Variants in SYT14 observed in about 807,000 individuals in gnomAD.
SYT14 encodes synaptotagmin-14.
In SYT14, 32 loss-of-function variants were observed where a neutral mutation model predicts 74.2. That is an observed-to-expected ratio of 0.43 (90% confidence interval 0.33 to 0.58). The LOEUF is 0.58. SYT14 is among the 20% of genes least tolerant of loss of function. The pLI is 0.05. For missense variants in SYT14, 791 were observed against 981.8 expected (o/e 0.81, Z 2.60); for synonymous variants, 298 against 337.7 (o/e 0.88, Z 1.29).
At chr1:210,087,672 AC>A (rs2081763880) in intron 5 of SYT14, among the ~76,000 whole-genome samples, 1 of 150,510 alleles carries the variant, frequency 6.6e-6, no homozygotes, top group Non-Finnish European at 1.5e-5. Context: ...TGAATTGAAA[AC>A]CCTTCTCACC....
chr1:210,042,940 G>T (rs192780540), intron 5 of SYT14, among the ~76,000 whole-genome samples: 57 of 152,230 alleles, frequency 3.7e-4, no homozygotes, highest in Non-Finnish European at 7.8e-4. Context: ...CAATTACTTT[G>T]GGCAATATGG....
chr1:209,999,233 T>C (rs2079850186), intron 2 of SYT14, among the ~76,000 whole-genome samples: 1 of 152,076 alleles, frequency 6.6e-6, no homozygotes, highest in South Asian at 2.1e-4. Flanking sequence ...AAATGGCTAT[T>C]ATCAAAAAGA....
chr1:210,103,714 G>T (rs1029476837), intron 7 of SYT14, among the ~76,000 whole-genome samples: 1 of 152,070 alleles, frequency 6.6e-6, no homozygotes, highest in African/African-American at 2.4e-5. Context: ...TGGGCATCAG[G>T]TTTCTCATTA....
At chr1:210,065,767 G>A (rs1190293491) in intron 5 of SYT14, among the ~76,000 whole-genome samples, 1 of 151,712 alleles carries the variant, frequency 6.6e-6, no homozygotes, top group African/African-American at 2.4e-5. Flanking sequence ...GGGTACATGT[G>A]CACAACGTGC....
chr1:210,004,282 T>C (rs1409208203), intron 2 of SYT14, among the ~76,000 whole-genome samples: 14 of 152,044 alleles, frequency 9.2e-5, no homozygotes, highest in Admixed American at 9.2e-4. Context: ...CTTTCTTTCT[T>C]TCAGAGAATT....
At chr1:210,043,047 TCTC>T (rs2080823351) in intron 5 of SYT14, among the ~76,000 whole-genome samples, 2 of 152,300 alleles carry the variant, frequency 1.3e-5, no homozygotes, top group South Asian at 4.1e-4. Context: ...GGTTTGTAGT[TCTC>T]CTTGAAGAGG....
At chr1:210,112,186 G>C (rs1328336973) in intron 7 of SYT14, among the ~76,000 whole-genome samples, 1 of 151,282 alleles carries the variant, frequency 6.6e-6, no homozygotes, top group African/African-American at 2.5e-5. Flanking sequence ...AGACCAAGTG[G>C]TATTTTAGTT....
intron 7 of SYT14, among the ~76,000 whole-genome samples, chr1:210,143,887 C>T (rs2102679615): frequency 6.6e-6 from 1 of 152,134 alleles, no homozygotes; most frequent in South Asian, 2.1e-4. Flanking sequence ...TCTGTTAATA[C>T]TGAAAATGAT....
chr1:210,126,398 TAAG>T (rs1352467236), intron 7 of SYT14, among the ~76,000 whole-genome samples: 8 of 152,244 alleles, frequency 5.3e-5, no homozygotes, highest in East Asian at 1.9e-4. Context: ...GTCACATGCT[TAAG>T]AAGAGGCAGA....
intron 2 of SYT14, among the ~76,000 whole-genome samples, chr1:209,978,055 A>G (rs1019681130): frequency 1.3e-5 from 2 of 152,142 alleles, no homozygotes; most frequent in Non-Finnish European, 2.9e-5. Context: ...TTTCAGCTCC[A>G]TCAGGTCCTT....
chr1:209,945,006 A>G (rs1341162019), intron 1 of SYT14, among the ~76,000 whole-genome samples: 1 of 152,116 alleles, frequency 6.6e-6, no homozygotes, highest in Non-Finnish European at 1.5e-5. Context: ...CATTTTCTCA[A>G]TCATGAATAG....
intron 1 of SYT14, among the ~76,000 whole-genome samples, chr1:209,939,551 A>G (rs1173927525): frequency 6.6e-6 from 1 of 152,230 alleles, no homozygotes; most frequent in South Asian, 2.1e-4. Flanking sequence ...GTGGGGAATA[A>G]GATCTACCTA....
rs1316470304 is a variant in SYT14 at position 209,975,900 on chromosome 1, A to G, written c.-486+23144A>G. Among the ~76,000 whole-genome samples, 4 of 152,322 alleles carry G rather than the reference A, an allele frequency of 2.6e-5. No homozygotes were observed. In the East Asian group the frequency reaches 7.7e-4, roughly 29 times the overall value. On this transcript the variant is annotated intron_variant, in intron 2 of 9. Transcript: ENST00000637265. ...TTCAGAGCCAGTTGTTGGTCTATTC[A>G]GAGATTCAACTTTTTGCTGATTTAG...
chr1:209,952,663 A>G, intron 1 of SYT14, 46 bp from the exon 2 acceptor site: 1 of 1,497,278 alleles, frequency 6.7e-7, no homozygotes. Context: ...AGTCAGATTC[A>G]TGCTACTTTC....
chr1:209,953,689 C>A (rs753415500), intron 2 of SYT14, among the ~76,000 whole-genome samples: 22 of 152,228 alleles, frequency 1.4e-4, no homozygotes, highest in Admixed American at 5.2e-4. Flanking sequence ...AATTTTTAAT[C>A]CTTTTTAGGT....
intron 2 of SYT14, among the ~76,000 whole-genome samples, chr1:209,954,270 T>C (rs1157964516): frequency 1.3e-5 from 2 of 152,146 alleles, no homozygotes; most frequent in Non-Finnish European, 2.9e-5. Flanking sequence ...TAGATAAGGA[T>C]AGAGGATGGT....
chr1:210,042,701 C>G (rs2080815394), intron 5 of SYT14, among the ~76,000 whole-genome samples: 1 of 152,106 alleles, frequency 6.6e-6, no homozygotes, highest in South Asian at 2.1e-4. Context: ...CTGTTCTGTT[C>G]CATTGGTCTA....
intron 2 of SYT14, among the ~76,000 whole-genome samples, chr1:209,985,471 G>A (rs909388191): frequency 2.0e-5 from 3 of 152,226 alleles, no homozygotes; most frequent in Non-Finnish European, 1.5e-5. Context: ...TTTTTAGGGG[G>A]TCAGCCCCCA....
chr1:210,121,456 T>C (rs2082459185), intron 7 of SYT14, among the ~76,000 whole-genome samples: 3 of 152,178 alleles, frequency 2.0e-5, no homozygotes, highest in Admixed American at 6.5e-5. Flanking sequence ...GAACTAAATA[T>C]AATTCAAGCC....
Sources: allele counts gnomAD v4.1 joint callset (sites outside exome capture counted in the v4.1 genomes callset), GRCh38; gene constraint gnomAD v4.1.1; transcripts MANE v1.5; gene names NCBI Gene and HGNC (gene_info 2026-07-23, HGNC 2026-07-21).